The following C1orf141 variants were observed in gnomAD, a reference collection of about 807,000 sequenced individuals.
The protein encoded by C1orf141 is chromosome 1 open reading frame 141.
In C1orf141, 19 loss-of-function variants were observed where a neutral mutation model predicts 23.2. The observed-to-expected ratio is 0.82, with a 90% CI of 0.57 to 1.20. C1orf141 has a LOEUF of 1.20. C1orf141 is among the 50% of genes most tolerant of loss of function. C1orf141 has a pLI of 0.00. For missense variants in C1orf141, 469 were observed against 455.1 expected, an observed-to-expected ratio of 1.03 and a Z score of -0.28; for synonymous variants, 153 against 154.6, an observed-to-expected ratio of 0.99 and a Z score of 0.08.
intron 4 of C1orf141, among the ~76,000 whole-genome samples, 187 bp from the exon 5 acceptor site, chr1:67,115,651 G>A (rs540584928): frequency 2.6e-5 from 4 of 152,226 alleles, no homozygotes; most frequent in South Asian, 4.1e-4. Context: ...AGTTTTAGTC[G>A]TTTAAAGTGG....
At chr1:67,128,353 CTTTATTTATTTA>C (rs142954688) in intron 2 of C1orf141, among the ~76,000 whole-genome samples, 3,652 of 147,530 alleles carry the variant, frequency 0.025, 125 homozygotes, top group African/African-American at 0.081. Flanking sequence ...CCAAAGCTCC[CTTTATTTATTTA>C]TTTATTTATT....
In C1orf141 at chr1:67,134,961, C is replaced by T. The variant is rs1646572630; in HGVS notation, c.-135G>A. ...TCCTTTCCTCCCTCTTCTGGCTCCG[C>T]GGGTTACTCGCCCCGCCCCCACCCT... is the stretch of plus-strand genomic sequence containing the variant. On this transcript the variant is annotated 5_prime_UTR_variant, in exon 1 of 8. Coordinates refer to ENST00000684719, the MANE Select transcript of C1orf141 (RefSeq NM_001276351.2). The T allele has an allele frequency of 6.6e-6, 1 of 152,462 alleles. No individual in the cohort carries two copies. Among genetic ancestry groups the T allele is most frequent in the Non-Finnish European group, 1.5e-5 (1 of 68,126 alleles). 9.4% of individuals were successfully genotyped at this position (152,462 alleles called of 1,614,324 possible).
chr1:67,139,681 G>A (rs1002740577), upstream of C1orf141, among the ~76,000 whole-genome samples: 1 of 152,180 alleles, frequency 6.6e-6, no homozygotes, highest in East Asian at 1.9e-4. Context: ...AATCTCCAGT[G>A]TGGCAGTATT....
In C1orf141 at chr1:67,092,927, G is replaced by C. The variant is rs1263272834; in HGVS notation, c.*78C>G. Reference sequence around the variant, plus strand: ...ATGATCAATTAGAACATTACTATTTGGATAAGAATTTCTTTTATAATTTTG... The same window carrying C: ...ATGATCAATTAGAACATTACTATTTCGATAAGAATTTCTTTTATAATTTTG... On this transcript the variant is annotated 3_prime_UTR_variant, in exon 8 of 8. Coordinates refer to ENST00000684719, the MANE Select transcript of C1orf141 (RefSeq NM_001276351.2). 1.8e-6 allele frequency: 2 copies of C among 1,121,536 alleles called. No homozygotes were observed. Among genetic ancestry groups the C allele is most frequent in the East Asian group, 4.8e-5 (2 of 41,542 alleles). The allele number at this position is 1,121,536 out of a possible 1,614,324, so 69.5% of individuals were successfully genotyped here. A position where few individuals can be genotyped will look rare whatever the true frequency, so the allele number is the denominator to read the frequency against.
intron 4 of C1orf141, among the ~76,000 whole-genome samples, chr1:67,118,100 A>G (rs968790253): frequency 9.9e-5 from 15 of 152,172 alleles, no homozygotes; most frequent in African/African-American, 3.4e-4. Flanking sequence ...TATTTAATAT[A>G]GTGTTGGATT....
At chr1:67,119,833 C>G (rs1294056896) in intron 4 of C1orf141, among the ~76,000 whole-genome samples, 1 of 152,240 alleles carries the variant, frequency 6.6e-6, no homozygotes, top group Non-Finnish European at 1.5e-5. Context: ...CACTATTTTT[C>G]AAGACAAGGG....
chr1:67,127,704 G>A (rs972886651), intron 2 of C1orf141, among the ~76,000 whole-genome samples: 15 of 152,028 alleles, frequency 9.9e-5, no homozygotes, highest in Admixed American at 6.6e-5. Context: ...GTGTGATCTT[G>A]GCTCACTGCA....
In C1orf141 at chr1:67,127,227, A is replaced by G; in HGVS notation, c.14T>C (p.Ile5Thr). Residue 5 changes from isoleucine to threonine, a missense_variant, in exon 3 of 8, where the codon ATC (isoleucine) becomes ACC (threonine). Ile to Thr is a moderately conservative substitution (Grantham distance 89). Coordinates refer to ENST00000684719, the MANE Select transcript of C1orf141 (RefSeq NM_001276351.2). MAEK[I>T]LEKLDVLDKQ... ...ATCAAGGACATCCAACTTCTCTAGGATTTTTTCTGCCATTGTCAATCACTA... is the reference window on the plus strand; with the variant it reads ...ATCAAGGACATCCAACTTCTCTAGGGTTTTTTCTGCCATTGTCAATCACTA... 1 of 1,605,488 alleles carries G rather than the reference A, an allele frequency of 6.2e-7. No individual in the cohort carries two copies. The highest frequency in any genetic ancestry group is 1.1e-5 in the South Asian group (1 of 89,716).
chr1:67,105,885 A>G (rs1013174913), intron 5 of C1orf141, among the ~76,000 whole-genome samples: 1 of 152,192 alleles, frequency 6.6e-6, no homozygotes, highest in African/African-American at 2.4e-5. Context: ...GAACCAGAAG[A>G]CAAAGTTAGG....
At position 67,115,423 on chromosome 1, in the gene C1orf141, T is replaced by A; in HGVS notation, c.275A>T (p.Asn92Ile). ...TGGTCTTAAATTTGACTTTTCAAAA[T>A]TACTCTTTCTAGGTTCAGGCTCACA... ...FKCEPEPRKS[N>I]FEKSNLRPFF... Residue 92 changes from asparagine (N) to isoleucine (I), a missense_variant, in exon 5 of 8, where the codon AAT becomes ATT. Asn to Ile is a moderately radical substitution (Grantham distance 149, BLOSUM62 -3). Transcript: ENST00000684719. 1 of 1,510,258 alleles carries A rather than the reference T, an allele frequency of 6.6e-7. No homozygotes were observed. The highest frequency in any genetic ancestry group is 1.2e-5 in the South Asian group (1 of 82,206). 93.6% of individuals were successfully genotyped at this position (1,510,258 alleles called of 1,614,324 possible). A position where few individuals can be genotyped will look rare whatever the true frequency, so the allele number is the denominator to read the frequency against.
intron 1 of C1orf141, among the ~76,000 whole-genome samples, chr1:67,131,772 G>A (rs1646519667): frequency 6.7e-6 from 1 of 149,202 alleles, no homozygotes; most frequent in Non-Finnish European, 1.5e-5. Flanking sequence ...AATATGGTAT[G>A]AAGACTACCT....
intron 4 of C1orf141, chr1:67,121,826 G>T (rs1366615728): frequency 6.6e-6 from 1 of 152,156 alleles, no homozygotes; most frequent in Non-Finnish European, 1.5e-5. Context: ...GCTAGAAGAA[G>T]GCCATATCAA....
intron 4 of C1orf141, chr1:67,122,100 A>G (rs1313820961): frequency 6.6e-6 from 1 of 152,234 alleles, no homozygotes; most frequent in Non-Finnish European, 1.5e-5. Context: ...GCAATGGTGC[A>G]ATCTCAGCTC....
chr1:67,133,838 T>C, intron 1 of C1orf141, among the ~76,000 whole-genome samples: 1 of 152,158 alleles, frequency 6.6e-6, no homozygotes, highest in Non-Finnish European at 1.5e-5. Context: ...CAACTTTTAG[T>C]GTCTAGAACT....
rs569333840 is a variant in C1orf141, at chr1:67,122,527, A to C, written c.233+3225T>G. On this transcript the variant is annotated intron_variant, in intron 4 of 7. Transcript: ENST00000684719. ...TTGTCTGTGTTCCAAAACTATTTAA[A>C]TAGTTCTTTGAAACTACAAAGAAAC... 6.2e-4 allele frequency: 94 copies of C among 152,332 alleles called. 1 individual carries two copies. Among genetic ancestry groups the C allele is most frequent in the African/African-American group, 2.2e-3 (90 of 41,572 alleles). 9.4% of individuals were successfully genotyped at this position (152,332 alleles called of 1,614,324 possible).
Position 67,115,089 on chromosome 1 carries a change from A to G in C1orf141, c.346+263T>C, listed in dbSNP as rs935065352. 6.6e-5 allele frequency among the ~76,000 whole-genome samples: 10 copies of G among 152,250 alleles called. No homozygotes were observed. In the South Asian group the frequency reaches 8.3e-4, roughly 13 times the overall value. On this transcript the variant is annotated intron_variant, in intron 5 of 7. Transcript: ENST00000684719. ...ATTCTCAGCATTGAGCTGAAAGGAA[A>G]CTCAGAGATTTTCTTTCTAGAAGAA...
chr1:67,111,911 A>G (rs1212256337), intron 5 of C1orf141, among the ~76,000 whole-genome samples: 1 of 152,214 alleles, frequency 6.6e-6, no homozygotes, highest in Non-Finnish European at 1.5e-5. Context: ...GGATTTCTAA[A>G]TAAAATAGAA....
chr1:67,108,162 T>G (rs1000252111), intron 5 of C1orf141, among the ~76,000 whole-genome samples: 16 of 152,162 alleles, frequency 1.1e-4, no homozygotes, highest in Admixed American at 1.0e-3. Flanking sequence ...TATAATAAAA[T>G]CCCTTAAACA....
intron 5 of C1orf141, among the ~76,000 whole-genome samples, chr1:67,110,416 T>C (rs1178750104): frequency 6.6e-6 from 1 of 152,174 alleles, no homozygotes; most frequent in African/African-American, 2.4e-5. Flanking sequence ...TCTTTGTTAT[T>C]GATTTTCACT....
Sources: gnomAD v4.1 joint callset for allele counts (sites outside exome capture counted in the v4.1 genomes callset) on GRCh38, gnomAD v4.1.1 for gene constraint, MANE v1.5 for transcripts, NCBI Gene and HGNC (gene_info 2026-07-23, HGNC 2026-07-21) for gene names.